The following COX7B2 variants were observed in gnomAD, a reference collection of about 807,000 sequenced individuals.
The protein encoded by COX7B2 is cytochrome c oxidase subunit 7B2, mitochondrial.
For missense variants in COX7B2, 109 were observed against 95.9 expected (o/e 1.14, Z -0.57); for synonymous variants, 37 against 32.1 (o/e 1.15, Z -0.51).
At chr4:46,832,099 C>T (rs1422681284) in intron 2 of COX7B2, among the ~76,000 whole-genome samples, 1 of 152,132 alleles carries the variant, frequency 6.6e-6, no homozygotes, top group African/African-American at 2.4e-5. Flanking sequence ...CTGCCCCAGC[C>T]AGCAGTGGCA....
At chr4:46,818,480 CA>C (rs60319822) in intron 2 of COX7B2, among the ~76,000 whole-genome samples, 1 of 151,574 alleles carries the variant, frequency 6.6e-6, no homozygotes, top group Non-Finnish European at 1.5e-5. Flanking sequence ...AAAAAAAATA[CA>C]AAAAAATTAG....
intron 2 of COX7B2, among the ~76,000 whole-genome samples, chr4:46,820,138 A>G (rs1009439265): frequency 1.3e-5 from 2 of 152,228 alleles, no homozygotes; most frequent in African/African-American, 4.8e-5. Flanking sequence ...ATATAATGAA[A>G]TAATTATACA....
chr4:46,735,022 T>C lies in COX7B2; in HGVS notation c.171A>G (p.Thr57=), dbSNP rs747374356. The change falls in exon 3 of 3, where the codon ACA becomes ACG. Residue 57 remains threonine (T), a synonymous_variant. Coordinates refer to ENST00000355591, the MANE Select transcript of COX7B2 (RefSeq NM_130902.3). ...TAFCVATWVF[T]ATQIGIEWNL... is the part of the protein sequence containing the mutation. ...TCCATTCTATTCCAATCTGAGTGGC[T>C]GTAAACACCCATGTAGCAACACAGA... 1 of 1,614,104 alleles carries C rather than the reference T, an allele frequency of 6.2e-7. No individual in the cohort carries two copies. Among genetic ancestry groups the C allele is most frequent in the East Asian group, 2.2e-5 (1 of 44,868 alleles).
intron 1 of COX7B2, among the ~76,000 whole-genome samples, chr4:46,864,764 C>T (rs1003860858): frequency 6.6e-6 from 1 of 152,098 alleles, no homozygotes; most frequent in African/African-American, 2.4e-5. Context: ...CCTGCCTCAG[C>T]CTCCTGAGTA....
In COX7B2 at chr4:46,735,051, C is replaced by G. The variant is rs553594391; in HGVS notation, c.142G>C (p.Ala48Pro). ...YGNAVLASGTAFCVATWVFTA... is the reference protein window; with the variant it reads ...YGNAVLASGTPFCVATWVFTA... ...AACACCCATGTAGCAACACAGAAAGCAGTTCCACTGGCTAGCACAGCATTA... is the reference window on the plus strand; with the variant it reads ...AACACCCATGTAGCAACACAGAAAGGAGTTCCACTGGCTAGCACAGCATTA... The change falls in exon 3 of 3, where the codon GCT (alanine) becomes CCT (proline). Residue 48 changes from alanine (A) to proline (P), a missense_variant. Coordinates refer to ENST00000355591, the MANE Select transcript of COX7B2 (RefSeq NM_130902.3). 5 of 1,614,060 alleles carry G rather than the reference C, an allele frequency of 3.1e-6. No individual in the cohort carries two copies. The South Asian group carries it at 5.5e-5, about 18-fold the overall frequency.
At chr4:46,893,513 T>C (rs1719567213) in intron 1 of COX7B2, among the ~76,000 whole-genome samples, 1 of 152,114 alleles carries the variant, frequency 6.6e-6, no homozygotes, top group Non-Finnish European at 1.5e-5. Flanking sequence ...ACTGAATAAA[T>C]GTTTAAGAAA....
intron 2 of COX7B2, among the ~76,000 whole-genome samples, chr4:46,754,252 A>C (rs59723055): frequency 0.32 from 48,221 of 150,176 alleles, 7,691 homozygotes; most frequent in South Asian, 0.46. Context: ...TGCTATAAAG[A>C]CACATGCACA....
chr4:46,819,098 T>TA (rs879924030), intron 2 of COX7B2, among the ~76,000 whole-genome samples: 27 of 152,168 alleles, frequency 1.8e-4, no homozygotes, highest in Non-Finnish European at 2.8e-4. Flanking sequence ...AAAGCCTTTT[T>TA]AAAAAACCAT....
At chr4:46,789,937 C>A (rs565244760) in intron 2 of COX7B2, among the ~76,000 whole-genome samples, 1 of 151,904 alleles carries the variant, frequency 6.6e-6, no homozygotes, top group East Asian at 1.9e-4. Flanking sequence ...GTGAGACTCT[C>A]TCTGGAATTG....
chr4:46,905,085 A>G (rs1720295936), intron 1 of COX7B2, among the ~76,000 whole-genome samples: 1 of 152,170 alleles, frequency 6.6e-6, no homozygotes, highest in Non-Finnish European at 1.5e-5. Context: ...GAGTTGATAC[A>G]AGATATAAAT....
intron 2 of COX7B2, among the ~76,000 whole-genome samples, chr4:46,782,715 A>G (rs1717546579): frequency 6.6e-6 from 1 of 152,238 alleles, no homozygotes; most frequent in Non-Finnish European, 1.5e-5. Flanking sequence ...TCCTGAAGCC[A>G]GCAAGACCAA....
chr4:46,754,859 C>A (rs1205657188), intron 2 of COX7B2, among the ~76,000 whole-genome samples: 1 of 150,512 alleles, frequency 6.6e-6, no homozygotes, highest in African/African-American at 2.4e-5. Context: ...CAAATACTAT[C>A]AAACATACAA....
chr4:46,875,458 C>A (rs967069295), intron 1 of COX7B2, among the ~76,000 whole-genome samples: 1 of 152,142 alleles, frequency 6.6e-6, no homozygotes, highest in Non-Finnish European at 1.5e-5. Context: ...CAATTCTGAA[C>A]AATTTCAGCT....
intron 2 of COX7B2, among the ~76,000 whole-genome samples, chr4:46,744,268 C>T (rs1162108325): frequency 6.6e-6 from 1 of 151,962 alleles, no homozygotes; most frequent in Non-Finnish European, 1.5e-5. Context: ...GACACCAGTC[C>T]CCTCATTCAT....
chr4:46,798,231 G>T (rs944326421), intron 2 of COX7B2, among the ~76,000 whole-genome samples: 1 of 152,178 alleles, frequency 6.6e-6, no homozygotes, highest in African/African-American at 2.4e-5. Context: ...CTTCAAAGGT[G>T]AAGGAAAAGT....
rs35024713 is a variant in COX7B2 at position 46,907,848 on chromosome 4, C to CTTTTTTT, written c.-105+1305_-105+1311dup. 8.5e-4 allele frequency among the ~76,000 whole-genome samples: 51 copies of CTTTTTTT among 59,718 alleles called. 2 individuals are homozygous for CTTTTTTT. The highest frequency in any genetic ancestry group is 3.2e-3 in the East Asian group (5 of 1,546). The allele number at this position is 59,718 out of a possible 152,430, so 39.2% of individuals were successfully genotyped here. On this transcript the variant is annotated intron_variant, in intron 1 of 2. Transcript: ENST00000355591. ...TATAAAAGATCAGAATTTGAGCAGA[C>CTTTTTTT]TTTTTTTTTTTTTTTTTTTTTTTTG... is the stretch of plus-strand genomic sequence containing the variant.
intron 1 of COX7B2, among the ~76,000 whole-genome samples, chr4:46,851,056 C>A (rs1288244477): frequency 6.6e-6 from 1 of 151,932 alleles, no homozygotes; most frequent in Admixed American, 6.6e-5. Context: ...ATGCAAGTTA[C>A]CGGGGAACAA....
intron 2 of COX7B2, among the ~76,000 whole-genome samples, chr4:46,836,953 T>C (rs1297691743): frequency 2.0e-5 from 3 of 152,150 alleles, no homozygotes; most frequent in African/African-American, 4.8e-5. Context: ...CACATGAATA[T>C]ATATTGACAC....
intron 2 of COX7B2, among the ~76,000 whole-genome samples, chr4:46,799,195 T>A (rs570132743): frequency 6.6e-6 from 1 of 152,270 alleles, no homozygotes; most frequent in South Asian, 2.1e-4. Context: ...CACTACTGAC[T>A]TTTGTACATT....
Sources: gnomAD v4.1 joint callset for allele counts (sites outside exome capture counted in the v4.1 genomes callset) on GRCh38, gnomAD v4.1.1 for gene constraint, MANE v1.5 for transcripts, NCBI Gene and HGNC (gene_info 2026-07-23, HGNC 2026-07-21) for gene names.